Variants in C17orf50 observed in about 807,000 individuals in gnomAD.
C17orf50 encodes the protein uncharacterized protein C17orf50.
In C17orf50, 16 loss-of-function variants were observed where a neutral mutation model predicts 17.7. That is an observed-to-expected ratio of 0.90 (90% CI 0.61 to 1.37). The LOEUF is 1.37. C17orf50 is among the 40% of genes most tolerant of loss of function. The pLI is 0.00. For missense variants in C17orf50, 271 were observed against 240.7 expected (o/e 1.13, Z -0.83); for synonymous variants, 125 against 111.0 (o/e 1.13, Z -0.80).
At chr17:35,763,397 C>G (rs1287372725) in intron 1 of C17orf50, among the ~76,000 whole-genome samples, 4 of 151,528 alleles carry the variant, frequency 2.6e-5, no homozygotes, top group Non-Finnish European at 5.9e-5. Flanking sequence ...ACCTCAGCCT[C>G]CCAAGTAGCT....
chr17:35,762,813 G>A (rs1282991074), intron 1 of C17orf50, among the ~76,000 whole-genome samples: 1 of 152,084 alleles, frequency 6.6e-6, no homozygotes, highest in Non-Finnish European at 1.5e-5. Context: ...AAAATATTCT[G>A]TAAATAACCA....
chr17:35,763,153 C>A (rs782533907), intron 1 of C17orf50, among the ~76,000 whole-genome samples: 3 of 151,834 alleles, frequency 2.0e-5, no homozygotes, highest in Non-Finnish European at 4.4e-5. Flanking sequence ...GATCAGTAAG[C>A]CAGGGGAGGC....
In C17orf50 at chr17:35,764,783, G is replaced by A; in HGVS notation, c.*165G>A. The A allele has an allele frequency of 1.4e-6, 1 of 737,920 alleles. No individual in the cohort carries two copies. Among genetic ancestry groups the A allele is most frequent in the Non-Finnish European group, 2.0e-6 (1 of 491,092 alleles). 45.7% of individuals were successfully genotyped at this position (737,920 alleles called of 1,614,324 possible). A position where few individuals can be genotyped will look rare whatever the true frequency, so the allele number is the denominator to read the frequency against. On this transcript the variant is annotated 3_prime_UTR_variant, in exon 3 of 3. Transcript: ENST00000605587. The stretch of plus-strand genomic sequence containing the variant: ...CATCCGTCAAGAAGGCCCACTGTTG[G>A]TGCTTGGTTCCCATCTGTCACCTAG...
chr17:35,761,040 C>A, intron 1 of C17orf50, 86 bp downstream of exon 1: 1 of 1,434,128 alleles, frequency 7.0e-7, no homozygotes, highest in Non-Finnish European at 9.3e-7. Context: ...CCATGAAGTC[C>A]AACCTTTTCT....
rs782310517 is a variant in C17orf50, at chr17:35,764,454, G to C, written c.361G>C (p.Val121Leu). The C allele has an allele frequency of 6.4e-7, 1 of 1,556,952 alleles. No individual in the cohort carries two copies. The highest frequency in any genetic ancestry group is 8.7e-7 in the Non-Finnish European group (1 of 1,153,692). The change falls in exon 3 of 3, where the codon GTG becomes CTG. Residue 121 changes from valine (V) to leucine (L), a missense_variant. Coordinates refer to ENST00000605587, the MANE Select transcript of C17orf50 (RefSeq NM_145272.4). The stretch of plus-strand genomic sequence containing the variant: ...GCGGAGCCTCCCGGAGGAGCCGTGC[G>C]TGCTGGAGATCCGGCGACGACCGCC... ...RKRSLPEEPC[V>L]LEIRRRPPRR...
chr17:35,764,841 G>A lies in C17orf50; in HGVS notation c.*223G>A, dbSNP rs1285885746. 51 of 448,040 alleles carry A rather than the reference G, an allele frequency of 1.1e-4. No individual in the cohort carries two copies. Among genetic ancestry groups the A allele is most frequent in the African/African-American group, 1.0e-3 (49 of 47,970 alleles). 27.8% of individuals were successfully genotyped at this position (448,040 alleles called of 1,614,324 possible). On this transcript the variant is annotated 3_prime_UTR_variant, in exon 3 of 3. Transcript: ENST00000605587. ...AGTGCAGAGCCCAGCATAACCTAGAGCCCGCTGTCAACAGCGCCCACCGAG... is the reference window on the plus strand; with the variant it reads ...AGTGCAGAGCCCAGCATAACCTAGAACCCGCTGTCAACAGCGCCCACCGAG...
At chr17:35,763,039 G>T (rs372755766) in intron 1 of C17orf50, among the ~76,000 whole-genome samples, 2 of 151,586 alleles carry the variant, frequency 1.3e-5, no homozygotes, top group Non-Finnish European at 2.9e-5. Flanking sequence ...GGAGAATGGC[G>T]TGAACCCGGC....
Position 35,764,093 on chromosome 17 carries a change from G to A in C17orf50, c.100G>A (p.Asp34Asn), listed in dbSNP as rs199800640. The change falls in exon 2 of 3, where the codon GAC becomes AAC. Residue 34 changes from aspartate (D) to asparagine (N), a missense_variant. Physicochemically the swap from Asp to Asn is conservative, Grantham distance 23. Transcript: ENST00000605587. Reference sequence around the variant, plus strand: ...AGAGGAAGGGAAGGAGGGGTCGGAGGACGAGGACGAGGACAACCAGAGGCC... The same window carrying A: ...AGAGGAAGGGAAGGAGGGGTCGGAGAACGAGGACGAGGACAACCAGAGGCC... ...EQEEGKEGSE[D>N]EDEDNQRPLE... 4.7e-4 allele frequency: 733 copies of A among 1,550,108 alleles called. 1 individual carries two copies. Among genetic ancestry groups the A allele is most frequent in the Non-Finnish European group, 3.4e-4 (394 of 1,146,692 alleles).
chr17:35,763,966 C>A (rs1456446457), intron 1 of C17orf50, 41 bp from the exon 2 acceptor site: 3 of 1,394,170 alleles, frequency 2.2e-6, no homozygotes, highest in African/African-American at 3.0e-5. Context: ...GACCCTTTCT[C>A]GGGGACAGCA....
rs1555602176 is a variant in C17orf50 at position 35,764,197 on chromosome 17, G to A, written c.204G>A (p.Val68=). ...EEGEGRERRS[V]SYCPLRQESS... is the part of the protein sequence containing the mutation. Reference sequence around the variant, plus strand: ...GCGAAGGCCGCGAGCGGCGCTCAGTGTCCTACTGCCCGCTGCGCCAGGAGT... The same window carrying A: ...GCGAAGGCCGCGAGCGGCGCTCAGTATCCTACTGCCCGCTGCGCCAGGAGT... Residue 68 remains valine, a synonymous_variant, in exon 2 of 3, where the codon GTG becomes GTA. Transcript: ENST00000605587. The A allele has an allele frequency of 1.3e-6, 2 of 1,547,910 alleles. No homozygotes were observed. Among genetic ancestry groups the A allele is most frequent in the South Asian group, 2.4e-5 (2 of 83,872 alleles).
chr17:35,764,509 T>G lies in C17orf50; in HGVS notation c.416T>G (p.Leu139Arg), dbSNP rs782560203. 10 of 1,593,596 alleles carry G rather than the reference T, an allele frequency of 6.3e-6. No individual in the cohort carries two copies. In the African/African-American group the frequency reaches 9.6e-5, roughly 15 times the overall value. ...PRRGGCACCELLFCKKCRSLH... is the reference protein window; with the variant it reads ...PRRGGCACCERLFCKKCRSLH... ...CGCGGGGGCTGTGCTTGCTGCGAGCTCCTCTTCTGCAAGAAATGCAGGAGT... is the reference window on the plus strand; with the variant it reads ...CGCGGGGGCTGTGCTTGCTGCGAGCGCCTCTTCTGCAAGAAATGCAGGAGT... Residue 139 changes from leucine to arginine, a missense_variant, in exon 3 of 3, where the codon CTC (leucine) becomes CGC (arginine). Physicochemically the swap from Leu to Arg is moderately radical, Grantham distance 102. Coordinates refer to ENST00000605587, the MANE Select transcript of C17orf50 (RefSeq NM_145272.4).
At chr17:35,763,077 G>T (rs2085855325) in intron 1 of C17orf50, among the ~76,000 whole-genome samples, 1 of 150,094 alleles carries the variant, frequency 6.7e-6, no homozygotes, top group African/African-American at 2.5e-5. Flanking sequence ...AGCCGAGATG[G>T]CACCACTGCA....
chr17:35,763,721 A>G (rs1180981795), intron 1 of C17orf50, among the ~76,000 whole-genome samples: 2 of 151,364 alleles, frequency 1.3e-5, no homozygotes, highest in Non-Finnish European at 2.9e-5. Context: ...ACATGGTGAA[A>G]CCCCGTTTCT....
In C17orf50 at chr17:35,764,016, C is replaced by T; in HGVS notation, c.23C>T (p.Thr8Ile). 1 of 1,543,300 alleles carries T rather than the reference C, an allele frequency of 6.5e-7. No individual in the cohort carries two copies. Among genetic ancestry groups the T allele is most frequent in the Non-Finnish European group, 8.8e-7 (1 of 1,142,128 alleles). Residue 8 changes from threonine to isoleucine, a missense_variant, in exon 2 of 3, where the codon ACC becomes ATC. Thr to Ile is a moderately conservative substitution (Grantham distance 89). Transcript: ENST00000605587. MDKHGVK[T>I]PLWKKETEEL... ...TCCTCCCGGCCCGCAGGTGTGAAGA[C>T]CCCCTTGTGGAAGAAGGAAACGGAA... is the stretch of plus-strand genomic sequence containing the variant.
chr17:35,764,418 G>A lies in C17orf50; in HGVS notation c.333-8G>A. 6.6e-7 allele frequency: 1 copy of A among 1,526,452 alleles called. No homozygotes were observed. The highest frequency in any genetic ancestry group is 2.6e-5 in the East Asian group (1 of 39,040). 94.6% of individuals were successfully genotyped at this position (1,526,452 alleles called of 1,614,324 possible). On this transcript the variant is annotated splice_polypyrimidine_tract_variant and splice_region_variant and intron_variant, in intron 2 of 2. Transcript: ENST00000605587. Reference sequence around the variant, plus strand: ...CCCAGGCACTGAGCGCCTGGTCCCCGCCGGCAGGAAGCGGAGCCTCCCGGA... The same window carrying A: ...CCCAGGCACTGAGCGCCTGGTCCCCACCGGCAGGAAGCGGAGCCTCCCGGA...
Position 35,764,700 on chromosome 17 carries a change from G to A in C17orf50, c.*82G>A, listed in dbSNP as rs587769823. 5.1e-4 allele frequency: 733 copies of A among 1,432,358 alleles called. 2 individuals carry two copies. The African/African-American group carries it at 8.9e-3, about 17-fold the overall frequency. The allele number at this position is 1,432,358 out of a possible 1,614,324, so 88.7% of individuals were successfully genotyped here. A position where few individuals can be genotyped will look rare whatever the true frequency, so the allele number is the denominator to read the frequency against. The stretch of plus-strand genomic sequence containing the variant: ...CCGACCTTCTCTCTTGGAGCGCGGA[G>A]CCCTCTTCGACGCATTCCGCAGGAC... On this transcript the variant is annotated 3_prime_UTR_variant, in exon 3 of 3. Coordinates refer to ENST00000605587, the MANE Select transcript of C17orf50 (RefSeq NM_145272.4).
At position 35,764,431 on chromosome 17, in the gene C17orf50, G is replaced by A; in HGVS notation, c.338G>A (p.Arg113Gln). The change falls in exon 3 of 3, where the codon CGG becomes CAG. Residue 113 changes from arginine to glutamine, a missense_variant. Physicochemically the swap from Arg to Gln is conservative, Grantham distance 43. Coordinates refer to ENST00000605587, the MANE Select transcript of C17orf50 (RefSeq NM_145272.4). ...GGLTAPTDRK[R>Q]SLPEEPCVLE... ...CGCCTGGTCCCCGCCGGCAGGAAGC[G>A]GAGCCTCCCGGAGGAGCCGTGCGTG... 2.6e-6 allele frequency: 4 copies of A among 1,538,218 alleles called. No individual in the cohort carries two copies. Among genetic ancestry groups the A allele is most frequent in the East Asian group, 5.1e-5 (2 of 39,572 alleles).
rs587752891 is a variant in C17orf50, at chr17:35,764,719, G to C, written c.*101G>C. 8.4e-5 allele frequency: 109 copies of C among 1,303,786 alleles called. 2 individuals are homozygous for C. The South Asian group carries it at 1.6e-3, about 19-fold the overall frequency. 80.8% of individuals were successfully genotyped at this position (1,303,786 alleles called of 1,614,324 possible). ...CGCGGAGCCCTCTTCGACGCATTCCGCAGGACCGCCCCTTCTCAGCTGCTG... is the reference window on the plus strand; with the variant it reads ...CGCGGAGCCCTCTTCGACGCATTCCCCAGGACCGCCCCTTCTCAGCTGCTG... On this transcript the variant is annotated 3_prime_UTR_variant, in exon 3 of 3. Coordinates refer to ENST00000605587, the MANE Select transcript of C17orf50 (RefSeq NM_145272.4).
At position 35,763,989 on chromosome 17, in the gene C17orf50, C is replaced by T. The variant is rs782387781; in HGVS notation, c.14-18C>T. 1 of 1,525,858 alleles carries T rather than the reference C, an allele frequency of 6.6e-7. No individual in the cohort carries two copies. Among genetic ancestry groups the T allele is most frequent in the South Asian group, 1.2e-5 (1 of 81,130 alleles). The allele number at this position is 1,525,858 out of a possible 1,614,324, so 94.5% of individuals were successfully genotyped here. ...CTCGGGGACAGCAGGACTGCCCTGA[C>T]CTCCTCCCGGCCCGCAGGTGTGAAG... On this transcript the variant is annotated intron_variant, in intron 1 of 2. Coordinates refer to ENST00000605587, the MANE Select transcript of C17orf50 (RefSeq NM_145272.4).
Sources: gnomAD v4.1 joint callset for allele counts (sites outside exome capture counted in the v4.1 genomes callset) on GRCh38, gnomAD v4.1.1 for gene constraint, MANE v1.5 for transcripts, NCBI Gene and HGNC (gene_info 2026-07-23, HGNC 2026-07-21) for gene names.